VPS13A: variants seen among roughly 807,000 people sequenced by gnomAD.
The protein encoded by VPS13A is intermembrane lipid transfer protein VPS13A.
A neutral mutation model predicts 390.9 loss-of-function variants in VPS13A; 264 were observed. The observed-to-expected ratio is 0.68, with a 90% CI of 0.61 to 0.75. The LOEUF (loss-of-function observed/expected upper bound fraction) is 0.75, where lower values mean the gene tolerates loss of function less well. Ranked by LOEUF, VPS13A falls within the 30% of genes least tolerant of loss-of-function variation. The pLI is 0.00. For synonymous variants in VPS13A, 1,231 were observed against 1,227.1 expected (o/e 1.00, Z -0.07); for missense variants, 3,409 against 3,733.9 (o/e 0.91, Z 2.27).
intron 58 of VPS13A, 140 bp downstream of exon 58, chr9:77,359,542 A>G: frequency 2.3e-6 from 2 of 874,328 alleles, no homozygotes; most frequent in South Asian, 3.4e-5. Flanking sequence ...AAAAAATATA[A>G]TGTTGTGGCT....
In VPS13A at chr9:77,201,361, G is replaced by A. The variant is rs573008708; in HGVS notation, c.145-4G>A. ...TTTTGTGTATATATAAATTTTTTCT[G>A]TAGAGTCAACTGGATGTACCATTTA... On this transcript the variant is annotated splice_region_variant and splice_polypyrimidine_tract_variant and intron_variant, in intron 2 of 71. Transcript: ENST00000360280. The A allele has an allele frequency of 6.2e-7, 1 of 1,603,456 alleles. No homozygotes were observed. Among genetic ancestry groups the A allele is most frequent in the Non-Finnish European group, 8.5e-7 (1 of 1,170,808 alleles).
intron 7 of VPS13A, among the ~76,000 whole-genome samples, chr9:77,211,934 G>A (rs1825995634): frequency 6.6e-6 from 1 of 152,128 alleles, no homozygotes; most frequent in South Asian, 2.1e-4. Context: ...TTCGATTCTC[G>A]TAGGATCCTA....
At chr9:77,269,368 G>T (rs1002398650) in intron 23 of VPS13A, among the ~76,000 whole-genome samples, 6 of 152,094 alleles carry the variant, frequency 3.9e-5, no homozygotes, top group African/African-American at 1.4e-4. Flanking sequence ...GTCTATTTCA[G>T]ACTCTTCCAG....
rs553010592 is a variant in VPS13A at position 77,306,581 on chromosome 9, C to T, written c.3961-1364C>T. 5.3e-5 allele frequency among the ~76,000 whole-genome samples: 8 copies of T among 151,970 alleles called. No individual in the cohort carries two copies. In the South Asian group the frequency reaches 1.2e-3, roughly 24 times the overall value. Reference sequence around the variant, plus strand: ...CCAGGGAAGAGGTAGTGTTGGAGCTCGAGTCTGAAGGCAGTCTGCTGGCAG... The same window carrying T: ...CCAGGGAAGAGGTAGTGTTGGAGCTTGAGTCTGAAGGCAGTCTGCTGGCAG... On this transcript the variant is annotated intron_variant, in intron 34 of 71. Transcript: ENST00000360280.
chr9:77,295,763 T>C lies in VPS13A; in HGVS notation c.3729T>C (p.Phe1243=). 6.2e-7 allele frequency: 1 copy of C among 1,614,062 alleles called. No homozygotes were observed. Among genetic ancestry groups the C allele is most frequent in the Non-Finnish European group, 8.5e-7 (1 of 1,179,962 alleles). ...DFGLITMTNT[F]HMITESQSSP... is the part of the protein sequence containing the mutation. Reference sequence around the variant, plus strand: ...GACTAATTACAATGACAAATACCTTTCATATGATAACAGAGAGCCAGAGCT... The same window carrying C: ...GACTAATTACAATGACAAATACCTTCCATATGATAACAGAGAGCCAGAGCT... The change falls in exon 33 of 72, where the codon TTT becomes TTC. Residue 1243 remains phenylalanine (F), a synonymous_variant. Transcript: ENST00000360280.
intron 68 of VPS13A, among the ~76,000 whole-genome samples, chr9:77,398,770 T>A (rs1411073362): frequency 6.6e-6 from 1 of 152,134 alleles, no homozygotes; most frequent in Non-Finnish European, 1.5e-5. Context: ...TGCGATGAGT[T>A]ATCTTTGACG....
intron 22 of VPS13A, among the ~76,000 whole-genome samples, chr9:77,252,633 A>C (rs535219975): frequency 6.6e-6 from 1 of 152,312 alleles, no homozygotes; most frequent in South Asian, 2.1e-4. Flanking sequence ...TCAATTAAAC[A>C]ATAACACCCC....
Position 77,275,578 on chromosome 9 carries a change from C to T in VPS13A, c.2593C>T (p.Arg865Ter), listed in dbSNP as rs766404788. 3 of 1,613,450 alleles carry T rather than the reference C, an allele frequency of 1.9e-6. No homozygotes were observed. The highest frequency in any genetic ancestry group is 1.7e-6 in the Non-Finnish European group (2 of 1,179,702). The stretch of plus-strand genomic sequence containing the variant: ...GTTTCCAACTGGAGTTAAAAGTATT[C>T]GAACCAGAAAGTTACAAAAGCAGGA... ...LQFPTGVKSI[R>*]TRKLQKQDCS... Residue 865 changes from arginine (R) to a stop codon, truncating the protein, a stop_gained, in exon 25 of 72, where the codon CGA becomes TGA. Transcript: ENST00000360280. LOFTEE classifies it high-confidence loss of function.
rs377574392 is a variant in VPS13A, at chr9:77,403,326, C to T, written c.9275+5C>T. The T allele has an allele frequency of 3.1e-6, 5 of 1,607,540 alleles. No individual in the cohort carries two copies. In the African/African-American group the frequency reaches 4.0e-5, roughly 13 times the overall value. ...TATGCTAATGATAACCAGACGGTAA[C>T]TTGCTTTCTTTCTCTTACGTAATTT... On this transcript the variant is annotated splice_donor_5th_base_variant and intron_variant, in intron 69 of 71. Transcript: ENST00000360280.
chr9:77,332,706 G>A (rs1329243488), intron 46 of VPS13A, among the ~76,000 whole-genome samples: 1 of 152,108 alleles, frequency 6.6e-6, no homozygotes, highest in Non-Finnish European at 1.5e-5. Context: ...GTCAAGATAT[G>A]TAATCTGGAA....
intron 1 of VPS13A, among the ~76,000 whole-genome samples, chr9:77,181,847 A>G (rs1026164987): frequency 2.0e-5 from 3 of 152,312 alleles, no homozygotes; most frequent in South Asian, 2.1e-4. Flanking sequence ...GAAGAGTGCT[A>G]CTGTACTGGG....
Position 77,419,258 on chromosome 9 carries a change from A to C in VPS13A, c.*3252A>C, listed in dbSNP as rs1353050249. 6.6e-6 allele frequency: 1 copy of C among 152,242 alleles called. No homozygotes were observed. Among genetic ancestry groups the C allele is most frequent in the South Asian group, 2.1e-4 (1 of 4,836 alleles). The allele number at this position is 152,242 out of a possible 1,614,324, so 9.4% of individuals were successfully genotyped here. On this transcript the variant is annotated 3_prime_UTR_variant, in exon 72 of 72. Coordinates refer to ENST00000360280, the MANE Select transcript of VPS13A (RefSeq NM_033305.3). ...GAAATCAACTTAACAGCTCAAGACCAGTATATTTTAAACGTGAAATAATAA... is the reference window on the plus strand; with the variant it reads ...GAAATCAACTTAACAGCTCAAGACCCGTATATTTTAAACGTGAAATAATAA...
At position 77,273,382 on chromosome 9, in the gene VPS13A, A is replaced by G; in HGVS notation, c.2512+18A>G. The G allele has an allele frequency of 1.3e-6, 2 of 1,572,188 alleles. No individual in the cohort carries two copies. Among genetic ancestry groups the G allele is most frequent in the Non-Finnish European group, 1.7e-6 (2 of 1,152,160 alleles). ...TGAAGATGGTAAAATGAAACTGCTT[A>G]AGGATATTTTTCTTATTTTATTAAA... On this transcript the variant is annotated intron_variant, in intron 24 of 71. Coordinates refer to ENST00000360280, the MANE Select transcript of VPS13A (RefSeq NM_033305.3).
chr9:77,375,932 A>T (rs571377664), intron 67 of VPS13A, among the ~76,000 whole-genome samples: 1 of 152,340 alleles, frequency 6.6e-6, no homozygotes, highest in South Asian at 2.1e-4. Context: ...TAACTGATAA[A>T]TATATGATAT....
chr9:77,266,708 A>T (rs546352017), intron 23 of VPS13A, among the ~76,000 whole-genome samples: 1 of 151,946 alleles, frequency 6.6e-6, no homozygotes, highest in Non-Finnish European at 1.5e-5. Context: ...ATGTTGGCCT[A>T]TCTTGCTAGG....
At chr9:77,202,825 A>G (rs1825409395) in intron 3 of VPS13A, among the ~76,000 whole-genome samples, 1 of 152,194 alleles carries the variant, frequency 6.6e-6, no homozygotes, top group Non-Finnish European at 1.5e-5. Flanking sequence ...TAAACCCAAG[A>G]TAATTTTGAG....
chr9:77,309,486 C>G lies in VPS13A; in HGVS notation c.4114+1388C>G, dbSNP rs138576806. 2.2e-3 allele frequency among the ~76,000 whole-genome samples: 342 copies of G among 152,288 alleles called. 6 individuals are homozygous for G. In the East Asian group the frequency reaches 0.059, roughly 26 times the overall value. On this transcript the variant is annotated intron_variant, in intron 35 of 71. Coordinates refer to ENST00000360280, the MANE Select transcript of VPS13A (RefSeq NM_033305.3). ...GCCTGAAACTTTGGGTATTACCAAA[C>G]CTATGTTTGGATAGTACCCAAACTA...
intron 23 of VPS13A, among the ~76,000 whole-genome samples, chr9:77,260,855 A>ATG (rs1400895334): frequency 6.6e-6 from 1 of 151,710 alleles, no homozygotes; most frequent in Non-Finnish European, 1.5e-5. Context: ...AAGAACATGC[A>ATG]TGTGTGTGTG....
chr9:77,191,292 CTTCT>C (rs1427314415), intron 1 of VPS13A, among the ~76,000 whole-genome samples: 1 of 144,534 alleles, frequency 6.9e-6, no homozygotes, highest in African/African-American at 2.6e-5. Flanking sequence ...TCTTTTTCTT[CTTCT>C]TTTTTTTTTT....
Sources: allele counts gnomAD v4.1 joint callset (sites outside exome capture counted in the v4.1 genomes callset), GRCh38; gene constraint gnomAD v4.1.1; transcripts MANE v1.5; gene names NCBI Gene and HGNC (gene_info 2026-07-23, HGNC 2026-07-21).